The following CSMD1 variants were observed in gnomAD, a reference collection of about 807,000 sequenced individuals.
CSMD1 encodes CUB and sushi domain-containing protein 1.
CSMD1 carries 213 observed loss-of-function variants against 417.5 expected under a neutral mutation model. The ratio of observed to expected loss-of-function variants is 0.51; its 90% CI spans 0.46 to 0.57. CSMD1 has a LOEUF of 0.57. Among genes scored for constraint, CSMD1 ranks in the 20% least tolerant of loss-of-function variants. CSMD1 has a pLI of 0.00. For missense variants in CSMD1, 6,923 were observed against 4,529.7 expected (o/e 1.53, Z -15.17); for synonymous variants, 2,862 against 1,736.8 (o/e 1.65, Z -16.11).
At chr8:4,609,296 G>A (rs2130786133) in intron 2 of CSMD1, among the ~76,000 whole-genome samples, 1 of 152,276 alleles carries the variant, frequency 6.6e-6, no homozygotes, top group African/African-American at 2.4e-5. Flanking sequence ...AGCTACTCAG[G>A]AGGCTGAGGT....
At chr8:4,747,122 C>T (rs1341407952) in intron 1 of CSMD1, among the ~76,000 whole-genome samples, 1 of 152,148 alleles carries the variant, frequency 6.6e-6, no homozygotes, top group African/African-American at 2.4e-5. Context: ...TCGGCTCCTG[C>T]TCCTAAGAGG....
chr8:3,546,725 T>TAAAAA (rs1458790203), intron 10 of CSMD1, among the ~76,000 whole-genome samples: 1 of 152,150 alleles, frequency 6.6e-6, no homozygotes, highest in African/African-American at 2.4e-5. Flanking sequence ...TTACTGAAGA[T>TAAAAA]AAAAGGAGCT....
At chr8:4,173,357 G>C (rs75064118) in intron 3 of CSMD1, among the ~76,000 whole-genome samples, 6 of 152,142 alleles carry the variant, frequency 3.9e-5, no homozygotes, top group Non-Finnish European at 8.8e-5. Flanking sequence ...AGTATGTGGT[G>C]ATGCTGAACA....
intron 3 of CSMD1, among the ~76,000 whole-genome samples, chr8:4,224,479 C>G (rs1470513355): frequency 6.6e-6 from 1 of 151,544 alleles, no homozygotes; most frequent in Admixed American, 6.6e-5. Flanking sequence ...TGCTCTGACC[C>G]ATCTACACTC....
chr8:3,302,470 G>C (rs1220279986), intron 25 of CSMD1, among the ~76,000 whole-genome samples: 2 of 152,116 alleles, frequency 1.3e-5, no homozygotes, highest in Non-Finnish European at 2.9e-5. Context: ...ATTTATGTGT[G>C]ATTTGAGTTT....
chr8:3,334,829 G>A (rs1007370426), intron 23 of CSMD1, among the ~76,000 whole-genome samples: 7 of 152,028 alleles, frequency 4.6e-5, no homozygotes, highest in Non-Finnish European at 1.0e-4. Flanking sequence ...GTATGACCAG[G>A]CAGTCTGCAG....
At chr8:3,326,701 T>C (rs1806554451) in intron 23 of CSMD1, among the ~76,000 whole-genome samples, 1 of 152,248 alleles carries the variant, frequency 6.6e-6, no homozygotes, top group Non-Finnish European at 1.5e-5. Context: ...TTAGGTACTC[T>C]CAGGCAGCCT....
At chr8:4,558,216 T>G (rs1335335048) in intron 2 of CSMD1, among the ~76,000 whole-genome samples, 3 of 152,164 alleles carry the variant, frequency 2.0e-5, no homozygotes, top group Non-Finnish European at 4.4e-5. Context: ...ATGTGTCCCC[T>G]TATCACTTTA....
At chr8:3,252,173 A>T (rs956840482) in intron 26 of CSMD1, among the ~76,000 whole-genome samples, 2 of 152,194 alleles carry the variant, frequency 1.3e-5, no homozygotes, top group African/African-American at 4.8e-5. Context: ...GTTTTTGCCC[A>T]TTCAGTATGA....
At chr8:4,839,663 G>C (rs1458113973) in intron 1 of CSMD1, among the ~76,000 whole-genome samples, 2 of 152,104 alleles carry the variant, frequency 1.3e-5, no homozygotes, top group East Asian at 3.9e-4. Context: ...ATGAAACTAA[G>C]ACATCAGATT....
At chr8:3,231,962 TCAC>T (rs760671163) in intron 26 of CSMD1, among the ~76,000 whole-genome samples, 177 of 152,358 alleles carry the variant, frequency 1.2e-3, no homozygotes, top group Admixed American at 2.9e-3. Context: ...GAAGCTGTCT[TCAC>T]CACTCTCTTT....
At chr8:4,663,224 C>T (rs1473827340) in intron 1 of CSMD1, among the ~76,000 whole-genome samples, 1 of 152,152 alleles carries the variant, frequency 6.6e-6, no homozygotes, top group East Asian at 1.9e-4. Context: ...ATTATCCCAG[C>T]CCGATTTTTA....
chr8:4,784,067 G>C (rs539222523), intron 1 of CSMD1, among the ~76,000 whole-genome samples: 1 of 152,186 alleles, frequency 6.6e-6, no homozygotes, highest in Non-Finnish European at 1.5e-5. Context: ...ATATTTTTGA[G>C]GGATTGTCAT....
In CSMD1 at chr8:3,373,573, A is replaced by C. The variant is rs1168799455; in HGVS notation, c.2783-4203T>G. ...AGTGAGGAGATGAGAGAATGAAATG[A>C]AATACCTGAATTACATTTTAGTGTC... On this transcript the variant is annotated intron_variant, in intron 18 of 69. Coordinates refer to ENST00000635120, the MANE Select transcript of CSMD1 (RefSeq NM_033225.6). 3.3e-5 allele frequency: 5 copies of C among 152,202 alleles called. No individual in the cohort carries two copies. In the East Asian group the frequency reaches 7.7e-4, roughly 23 times the overall value. The allele number at this position is 152,202 out of a possible 1,614,324, so 9.4% of individuals were successfully genotyped here.
intron 2 of CSMD1, among the ~76,000 whole-genome samples, chr8:4,565,374 G>C (rs926104669): frequency 6.6e-6 from 1 of 152,102 alleles, no homozygotes; most frequent in Non-Finnish European, 1.5e-5. Flanking sequence ...TGCAGCTGTG[G>C]TATGCCCACA....
At chr8:3,804,205 T>C (rs932477999) in intron 5 of CSMD1, among the ~76,000 whole-genome samples, 10 of 152,110 alleles carry the variant, frequency 6.6e-5, no homozygotes, top group Non-Finnish European at 1.0e-4. Context: ...GTGTTGGGAT[T>C]ACAAGTGTGA....
At chr8:3,199,449 G>C (rs145671158) in intron 33 of CSMD1, among the ~76,000 whole-genome samples, 84 of 152,158 alleles carry the variant, frequency 5.5e-4, no homozygotes, top group African/African-American at 1.8e-3. Flanking sequence ...CTACAGAAAG[G>C]TAATATGATC....
intron 23 of CSMD1, among the ~76,000 whole-genome samples, chr8:3,310,161 C>T (rs1165504035): frequency 6.6e-6 from 1 of 152,158 alleles, no homozygotes; most frequent in Non-Finnish European, 1.5e-5. Context: ...CAGGGTCATT[C>T]AAATATTTGA....
intron 2 of CSMD1, among the ~76,000 whole-genome samples, chr8:4,464,725 G>A (rs1800052850): frequency 1.3e-5 from 2 of 152,140 alleles, no homozygotes; most frequent in South Asian, 2.1e-4. Flanking sequence ...TATCTACACT[G>A]ATTGGATCAT....
Sources: gnomAD v4.1 joint callset for allele counts (sites outside exome capture counted in the v4.1 genomes callset) on GRCh38, gnomAD v4.1.1 for gene constraint, MANE v1.5 for transcripts, NCBI Gene and HGNC (gene_info 2026-07-23, HGNC 2026-07-21) for gene names.